The following FSTL1 variants were observed in gnomAD, a reference collection of about 807,000 sequenced individuals.
FSTL1 encodes follistatin-related protein 1.
FSTL1 carries 24 observed loss-of-function variants against 45.9 expected under a neutral mutation model. That is an observed-to-expected ratio of 0.52 (90% CI 0.38 to 0.74). The LOEUF (loss-of-function observed/expected upper bound fraction) is 0.74. Ranked by LOEUF, FSTL1 falls within the 30% of genes least tolerant of loss-of-function variation. The pLI is 0.00. For synonymous variants in FSTL1, 120 were observed against 137.6 expected, an observed-to-expected ratio of 0.87 and a Z score of 0.89; for missense variants, 340 against 381.8, an observed-to-expected ratio of 0.89 and a Z score of 0.91.
chr3:120,441,584 G>C (rs1261035347), intron 2 of FSTL1, among the ~76,000 whole-genome samples: 1 of 152,244 alleles, frequency 6.6e-6, no homozygotes, highest in East Asian at 1.9e-4. Context: ...TCTGGAGAGA[G>C]AAAAAGAAGC....
At chr3:120,450,341 C>T (rs950842612) in intron 2 of FSTL1, among the ~76,000 whole-genome samples, 1 of 152,180 alleles carries the variant, frequency 6.6e-6, no homozygotes, top group Non-Finnish European at 1.5e-5. Flanking sequence ...TCTCAGTCTC[C>T]TCTGAAGTGA....
intron 3 of FSTL1, among the ~76,000 whole-genome samples, chr3:120,413,279 A>G (rs887598061): frequency 6.6e-6 from 1 of 152,248 alleles, no homozygotes; most frequent in African/African-American, 2.4e-5. Context: ...TACCAAAAAC[A>G]CAAATTTCAG....
intron 3 of FSTL1, chr3:120,415,699 AT>A: frequency 2.1e-6 from 1 of 468,078 alleles, no homozygotes; most frequent in Non-Finnish European, 3.8e-6. Context: ...AACAATTCTT[AT>A]TTTTTAATTA....
intron 3 of FSTL1, among the ~76,000 whole-genome samples, chr3:120,414,388 C>T (rs1373113298): frequency 1.2e-4 from 19 of 152,214 alleles, no homozygotes; most frequent in African/African-American, 4.1e-4. Context: ...GCGTCTCTGC[C>T]CGGCCGCCCA....
At position 120,409,626 on chromosome 3, in the gene FSTL1, C is replaced by T. The variant is rs554312023; in HGVS notation, c.368G>A (p.Arg123His). ...CYQSNRDELRRRIIQWLEAEI... is the reference protein window; with the variant it reads ...CYQSNRDELRHRIIQWLEAEI... ...AGCTTCCAGCCACTGGATGATGCGA[C>T]GTCGGAGCTCATCACGGTTGGACTG... Residue 123 changes from arginine to histidine, a missense_variant, in exon 6 of 11, where the codon CGT becomes CAT. Transcript: ENST00000295633. The T allele has an allele frequency of 9.3e-6, 15 of 1,613,930 alleles. No individual in the cohort carries two copies. The highest frequency in any genetic ancestry group is 4.5e-5 in the East Asian group (2 of 44,888).
chr3:120,401,236 T>C (rs567178626), intron 9 of FSTL1, among the ~76,000 whole-genome samples: 1 of 152,322 alleles, frequency 6.6e-6, no homozygotes, highest in East Asian at 1.9e-4. Flanking sequence ...CAGTAGCAAC[T>C]CTGTGTTTGG....
intron 2 of FSTL1, among the ~76,000 whole-genome samples, chr3:120,433,609 A>G (rs867578628): frequency 2.2e-4 from 33 of 152,196 alleles, no homozygotes; most frequent in African/African-American, 7.7e-4. Flanking sequence ...CATGCTCTAG[A>G]GGGAGGAAGG....
intron 2 of FSTL1, 31 bp downstream of exon 2, chr3:120,450,653 C>G: frequency 6.6e-7 from 1 of 1,505,476 alleles, no homozygotes; most frequent in Non-Finnish European, 8.9e-7. Context: ...GCCCCGGGGA[C>G]CGAGTTCGGA....
intron 9 of FSTL1, among the ~76,000 whole-genome samples, chr3:120,401,989 C>T (rs1936836415): frequency 6.6e-6 from 1 of 152,210 alleles, no homozygotes; most frequent in Non-Finnish European, 1.5e-5. Context: ...TGCCTCCACT[C>T]TGAATATCCC....
intron 2 of FSTL1, among the ~76,000 whole-genome samples, chr3:120,440,313 T>C (rs1260621176): frequency 2.0e-5 from 3 of 152,240 alleles, no homozygotes; most frequent in African/African-American, 7.2e-5. Flanking sequence ...TCCAGGCACA[T>C]AGCCATATAA....
intron 2 of FSTL1, chr3:120,441,303 G>A (rs1440638700): frequency 6.6e-6 from 1 of 152,132 alleles, no homozygotes. Context: ...TTTCTTCCCA[G>A]TTATTTCCAT....
intron 7 of FSTL1, among the ~76,000 whole-genome samples, 164 bp downstream of exon 7, chr3:120,404,689 T>G (rs1022256091): frequency 6.6e-6 from 1 of 152,254 alleles, no homozygotes; most frequent in Non-Finnish European, 1.5e-5. Flanking sequence ...ACTCAATATA[T>G]TAATTCATAC....
In FSTL1 at chr3:120,392,547, C is replaced by G. The variant is rs1345041070; in HGVS notation, c.*4405G>C. The G allele has an allele frequency of 1.3e-5, 2 of 152,182 alleles. No homozygotes were observed. The highest frequency in any genetic ancestry group is 2.9e-5 in the Non-Finnish European group (2 of 68,030). 9.4% of individuals were successfully genotyped at this position (152,182 alleles called of 1,614,324 possible). On this transcript the variant is annotated 3_prime_UTR_variant, in exon 11 of 11. Transcript: ENST00000295633. ...CCTCTTAAGAGGATGGTTTTATTCACTGTATTTTCTGTGATACAATTTGGA... is the reference window on the plus strand; with the variant it reads ...CCTCTTAAGAGGATGGTTTTATTCAGTGTATTTTCTGTGATACAATTTGGA...
chr3:120,448,135 T>C (rs1273888327), intron 2 of FSTL1, among the ~76,000 whole-genome samples: 2 of 152,248 alleles, frequency 1.3e-5, no homozygotes, highest in Middle Eastern at 3.2e-3. Context: ...TGTTTAAAAA[T>C]ATGCTGAATT....
chr3:120,416,140 TGGTCTTAAACAGCTAGATGTTG>T lies in FSTL1; in HGVS notation c.64-135_64-114del, dbSNP rs1937183885. Reference sequence around the variant, plus strand: ...GGCTTTGCTCTGGAGTCATGGCTCATGGTCTTAAACAGCTAGATGTTGGGTCTTAAACAGCTGTTGGAGACGT... The same window carrying T: ...GGCTTTGCTCTGGAGTCATGGCTCATGGTCTTAAACAGCTGTTGGAGACGT... On this transcript the variant is annotated intron_variant, in intron 2 of 10. Transcript: ENST00000295633. The T allele has an allele frequency of 2.3e-5, 19 of 826,598 alleles. No individual in the cohort carries two copies. In the East Asian group the frequency reaches 4.4e-4, roughly 19 times the overall value. The allele number at this position is 826,598 out of a possible 1,614,324, so 51.2% of individuals were successfully genotyped here.
rs1363077277 is a variant in FSTL1, at chr3:120,396,844, T to C, written c.*108A>G. 1.3e-6 allele frequency: 1 copy of C among 789,764 alleles called. No homozygotes were observed. Among genetic ancestry groups the C allele is most frequent in the East Asian group, 2.4e-5 (1 of 40,916 alleles). The allele number at this position is 789,764 out of a possible 1,614,324, so 48.9% of individuals were successfully genotyped here. ...AAACAAAATAAAACTCATTGCTATATAAGCAAATACTGGTGATTTGGCGAC... is the reference window on the plus strand; with the variant it reads ...AAACAAAATAAAACTCATTGCTATACAAGCAAATACTGGTGATTTGGCGAC... On this transcript the variant is annotated 3_prime_UTR_variant, in exon 11 of 11. Coordinates refer to ENST00000295633, the MANE Select transcript of FSTL1 (RefSeq NM_007085.5).
intron 10 of FSTL1, among the ~76,000 whole-genome samples, chr3:120,399,527 TCA>T (rs972165604): frequency 3.3e-5 from 5 of 152,184 alleles, no homozygotes; most frequent in Non-Finnish European, 7.3e-5. Context: ...TTTCAGGAGC[TCA>T]CAGTCTTTGG....
chr3:120,393,226 A>T lies in FSTL1; in HGVS notation c.*3726T>A, dbSNP rs140853742. ...TTAATATTTGATTAGCATTTGGGTA[A>T]TATCCCAAATCCAATCAAAGTGATC... On this transcript the variant is annotated 3_prime_UTR_variant, in exon 11 of 11. Transcript: ENST00000295633. 6.6e-6 allele frequency: 1 copy of T among 152,340 alleles called. No homozygotes were observed. The highest frequency in any genetic ancestry group is 1.5e-5 in the Non-Finnish European group (1 of 68,034). The allele number at this position is 152,340 out of a possible 1,614,324, so 9.4% of individuals were successfully genotyped here. A position where few individuals can be genotyped will look rare whatever the true frequency, so the allele number is the denominator to read the frequency against.
intron 3 of FSTL1, 130 bp downstream of exon 3, chr3:120,415,793 T>G (rs1304738420): frequency 3.8e-6 from 2 of 533,300 alleles, no homozygotes; most frequent in Admixed American, 3.3e-5. Context: ...GAATTCCACG[T>G]TTTTCAGGGG....
Sources: gnomAD v4.1 joint callset for allele counts (sites outside exome capture counted in the v4.1 genomes callset) on GRCh38, gnomAD v4.1.1 for gene constraint, MANE v1.5 for transcripts, NCBI Gene and HGNC (gene_info 2026-07-23, HGNC 2026-07-21) for gene names.